Variants in ST3GAL5 observed in about 807,000 individuals in gnomAD.
ST3GAL5 encodes the protein ST3 beta-galactoside alpha-2,3-sialyltransferase 5.
Under a neutral mutation model 46.1 loss-of-function variants are expected in ST3GAL5, and 25 were observed. That is an observed-to-expected ratio of 0.54 (90% CI 0.40 to 0.76). The LOEUF (loss-of-function observed/expected upper bound fraction) is 0.76, where lower values mean the gene tolerates loss of function less well. ST3GAL5 is among the 30% of genes least tolerant of loss of function. The pLI is 0.00. For missense variants in ST3GAL5, 431 were observed against 521.2 expected (o/e 0.83, Z 1.69); for synonymous variants, 182 against 192.7 (o/e 0.94, Z 0.46).
intron 1 of ST3GAL5, chr2:85,867,605 G>A (rs201747823): frequency 7.2e-5 from 56 of 780,818 alleles, no homozygotes; most frequent in Admixed American, 1.9e-4. Context: ...GGGGACTTAC[G>A]AACAGAAGCC....
At position 85,847,897 on chromosome 2, in the gene ST3GAL5, A is replaced by G. The variant is rs1421566027; in HGVS notation, c.626T>C (p.Leu209Pro). 2 of 1,614,122 alleles carry G rather than the reference A, an allele frequency of 1.2e-6. No homozygotes were observed. The highest frequency in any genetic ancestry group is 1.7e-5 in the Admixed American group (1 of 60,024). Residue 209 changes from leucine (L) to proline (P), a missense_variant, in exon 4 of 7, where the codon CTG (leucine) becomes CCG (proline). Transcript: ENST00000638572. ...GSGGILHGLE[L>P]GHTLNQFDVV... ...ATCGAACTGGTTCAGGGTGTGGCCC[A>G]GTTCTAATCCGTGCAGTATTCCTCC...
chr2:85,858,119 T>C (rs1684345505), intron 3 of ST3GAL5: 1 of 152,136 alleles, frequency 6.6e-6, no homozygotes, highest in Non-Finnish European at 1.5e-5. Flanking sequence ...ATGCAGGTGT[T>C]CTTTGAGAGC....
chr2:85,880,853 A>C (rs200997914), intron 1 of ST3GAL5: 5 of 510,636 alleles, frequency 9.8e-6, no homozygotes, highest in Non-Finnish European at 1.9e-5. Context: ...TCATAATCTC[A>C]TTTTAAAAAA....
At chr2:85,865,329 ATC>A (rs898351666) in intron 1 of ST3GAL5, among the ~76,000 whole-genome samples, 1 of 152,044 alleles carries the variant, frequency 6.6e-6, no homozygotes, top group African/African-American at 2.4e-5. Flanking sequence ...TTTGAAAAAA[ATC>A]TGTTTATCTT....
chr2:85,842,274 C>T (rs367930753), intron 6 of ST3GAL5, among the ~76,000 whole-genome samples: 7 of 152,292 alleles, frequency 4.6e-5, no homozygotes, highest in African/African-American at 1.4e-4. Context: ...GGGCTCTAGG[C>T]GTTGTTCTGT....
intron 3 of ST3GAL5, 179 bp from the exon 4 acceptor site, chr2:85,848,383 TG>T (rs1558655277): frequency 6.5e-7 from 1 of 1,547,372 alleles, no homozygotes; most frequent in Admixed American, 2.0e-5. Context: ...AGAAACAACC[TG>T]GGAGAATCAC....
chr2:85,852,564 T>G (rs1002299288), intron 3 of ST3GAL5, among the ~76,000 whole-genome samples: 30 of 148,814 alleles, frequency 2.0e-4, no homozygotes, highest in Non-Finnish European at 3.9e-4. Flanking sequence ...GGTGGAAGCC[T>G]GGGGTGGGGT....
chr2:85,868,077 C>T (rs891461907), intron 1 of ST3GAL5: 10 of 210,216 alleles, frequency 4.8e-5, no homozygotes, highest in African/African-American at 1.4e-4. Flanking sequence ...AACAGACAAA[C>T]GGCAGAGTGG....
At chr2:85,873,514 G>C (rs1350821570) in intron 1 of ST3GAL5, among the ~76,000 whole-genome samples, 1 of 152,140 alleles carries the variant, frequency 6.6e-6, no homozygotes, top group Non-Finnish European at 1.5e-5. Context: ...AGCACTCTGG[G>C]CACCACAGGC....
At chr2:85,863,517 A>G (rs1684950936) in intron 1 of ST3GAL5, 32 bp from the exon 2 acceptor site, 1 of 1,612,660 alleles carries the variant, frequency 6.2e-7, no homozygotes, top group Non-Finnish European at 8.5e-7. Flanking sequence ...GCAGTGGGGA[A>G]AAAGAGAGGA....
Position 85,846,508 on chromosome 2 carries a change from T to C in ST3GAL5, c.718A>G (p.Ile240Val), listed in dbSNP as rs1321129818. The C allele has an allele frequency of 1.2e-6, 2 of 1,614,090 alleles. No individual in the cohort carries two copies. The highest frequency in any genetic ancestry group is 1.7e-6 in the Non-Finnish European group (2 of 1,180,032). Residue 240 changes from isoleucine to valine, a missense_variant, in exon 5 of 7, where the codon ATA becomes GTA. Ile to Val is a conservative substitution (Grantham distance 29). Transcript: ENST00000638572. ...YSEHVGNKTT[I>V]RMTYPEGAPL... ...GCGCCCTCTGGATAAGTCATCCTTA[T>C]AGTAGTTTTATTTCCAACATGTTCT... is the stretch of plus-strand genomic sequence containing the variant.
chr2:85,857,105 G>A (rs1266167387), intron 3 of ST3GAL5, among the ~76,000 whole-genome samples: 6 of 137,748 alleles, frequency 4.4e-5, no homozygotes, highest in South Asian at 2.3e-4. Flanking sequence ...AAATAGGCAC[G>A]TATGGTGGTG....
chr2:85,844,751 C>G, intron 5 of ST3GAL5, 197 bp from the exon 6 acceptor site: 1 of 668,392 alleles, frequency 1.5e-6, no homozygotes, highest in South Asian at 1.7e-5. Flanking sequence ...GAAATAGCCA[C>G]TTCACACAGG....
chr2:85,888,714 G>A, intron 1 of ST3GAL5, 110 bp downstream of exon 1: 1 of 845,320 alleles, frequency 1.2e-6, no homozygotes, highest in Non-Finnish European at 1.5e-6. Context: ...CTGCCCGCGG[G>A]GTTCGAGGCG....
At chr2:85,848,554 C>A in intron 3 of ST3GAL5, 2 of 473,254 alleles carry the variant, frequency 4.2e-6, no homozygotes, top group Non-Finnish European at 7.3e-6. Context: ...AATTCTGATA[C>A]ATGCTACAAC....
At chr2:85,887,596 G>T (rs1416546067) in intron 1 of ST3GAL5, 1 of 152,218 alleles carries the variant, frequency 6.6e-6, no homozygotes, top group African/African-American at 2.4e-5. Context: ...GAATTCAGGT[G>T]CTTCTAGGCT....
intron 1 of ST3GAL5, among the ~76,000 whole-genome samples, chr2:85,884,380 T>C (rs184055759): frequency 3.3e-5 from 5 of 152,358 alleles, no homozygotes; most frequent in Admixed American, 3.3e-4. Flanking sequence ...AGCTGTGTTA[T>C]TAGGTGCATA....
chr2:85,870,564 T>C (rs554631487), intron 1 of ST3GAL5, among the ~76,000 whole-genome samples: 4 of 152,228 alleles, frequency 2.6e-5, no homozygotes, highest in African/African-American at 9.6e-5. Flanking sequence ...GGCCTGACTT[T>C]CAAAATTATA....
chr2:85,853,714 T>A lies in ST3GAL5; in HGVS notation c.319-5510A>T, dbSNP rs559755768. 3 of 153,282 alleles carry A rather than the reference T, an allele frequency of 2.0e-5. No homozygotes were observed. In the East Asian group the frequency reaches 5.8e-4, roughly 29 times the overall value. The allele number at this position is 153,282 out of a possible 1,614,324, so 9.5% of individuals were successfully genotyped here. The stretch of plus-strand genomic sequence containing the variant: ...GAGCTGCTTCGTGCTTAGTGTAGCA[T>A]TCAAGGCCTTTTGCTATCTGGCCCT... On this transcript the variant is annotated intron_variant, in intron 3 of 6. Transcript: ENST00000638572.
Sources: allele counts gnomAD v4.1 joint callset (sites outside exome capture counted in the v4.1 genomes callset), GRCh38; gene constraint gnomAD v4.1.1; transcripts MANE v1.5; gene names NCBI Gene and HGNC (gene_info 2026-07-23, HGNC 2026-07-21).